BAHCC1: variants seen among roughly 807,000 people sequenced by gnomAD.
BAHCC1 encodes BAH domain and coiled-coil containing 1.
A neutral mutation model predicts 88.2 loss-of-function variants in BAHCC1; 43 were observed. The ratio of observed to expected loss-of-function variants is 0.49; its 90% CI spans 0.38 to 0.63. The LOEUF is 0.63. Ranked by LOEUF, BAHCC1 falls within the 20% of genes least tolerant of loss-of-function variation. BAHCC1 has a pLI of 0.00. For synonymous variants in BAHCC1, 1,510 were observed against 745.5 expected, an observed-to-expected ratio of 2.03 and a Z score of -16.71; for missense variants, 3,023 against 1,654.8, an observed-to-expected ratio of 1.83 and a Z score of -14.34.
rs146730394 is a variant in BAHCC1, at chr17:81,462,065, G to A, written c.7383+19G>A. 137 of 729,110 alleles carry A rather than the reference G, an allele frequency of 1.9e-4. No individual in the cohort carries two copies. The highest frequency in any genetic ancestry group is 1.0e-3 in the East Asian group (42 of 40,446). The allele number at this position is 729,110 out of a possible 1,614,324, so 45.2% of individuals were successfully genotyped here. A position where few individuals can be genotyped will look rare whatever the true frequency, so the allele number is the denominator to read the frequency against. On this transcript the variant is annotated intron_variant, in intron 26 of 27. Transcript: ENST00000675386. The stretch of plus-strand genomic sequence containing the variant: ...CACACAGGTAGGTCCAGCGGGAGGC[G>A]GGAGGAGCTCCTGGTTCCCAAGGAA...
chr17:81,440,680 G>A (rs2064398872), intron 4 of BAHCC1, among the ~76,000 whole-genome samples: 1 of 152,116 alleles, frequency 6.6e-6, no homozygotes, highest in Admixed American at 6.5e-5. Context: ...GAGAGCTTGG[G>A]GCAGACCCTA....
In BAHCC1 at chr17:81,456,549, C is replaced by T. The variant is rs1264001529; in HGVS notation, c.4822C>T (p.Pro1608Ser). Residue 1608 changes from proline to serine, a missense_variant, in exon 16 of 28, where the codon CCA becomes TCA. Transcript: ENST00000675386. ...GHGSRETPRC[P>S]AQPSVAASQE... ...CGGCAGCCGGGAGACACCCAGGTGC[C>T]CAGCCCAGCCCTCCGTGGCTGCGTC... is the stretch of plus-strand genomic sequence containing the variant. The T allele has an allele frequency of 2.8e-6, 2 of 711,772 alleles. No individual in the cohort carries two copies. The highest frequency in any genetic ancestry group is 5.2e-6 in the Non-Finnish European group (2 of 383,128). 44.1% of individuals were successfully genotyped at this position (711,772 alleles called of 1,614,324 possible).
At chr17:81,436,086 C>T (rs1447106154) in intron 3 of BAHCC1, among the ~76,000 whole-genome samples, 1 of 152,028 alleles carries the variant, frequency 6.6e-6, no homozygotes, top group East Asian at 1.9e-4. Flanking sequence ...CCCAGCCCCT[C>T]CCTCTCTGCT....
At chr17:81,403,324 C>A (rs2063839514) in intron 2 of BAHCC1, among the ~76,000 whole-genome samples, 1 of 152,310 alleles carries the variant, frequency 6.6e-6, no homozygotes, top group Admixed American at 6.5e-5. Flanking sequence ...CCCTCCCGCC[C>A]CTTCTCTTGT....
Position 81,458,623 on chromosome 17 carries a change from G to C in BAHCC1, c.5346G>C (p.Arg1782=). Residue 1782 remains arginine (R), a splice_region_variant and synonymous_variant, in exon 19 of 28, where the codon CGG becomes CGC. Coordinates refer to ENST00000675386, the MANE Select transcript of BAHCC1 (RefSeq NM_001377448.1). ...CTTCTCTGCCTGCCCACGCGCAGCG[G>C]AAGAACGGGGCCCTGTCCATCACGC... ...KGTVLQPVLR[R]KNGALSITLA... The C allele has an allele frequency of 1.4e-6, 1 of 716,172 alleles. No individual in the cohort carries two copies. 44.4% of individuals were successfully genotyped at this position (716,172 alleles called of 1,614,324 possible).
At chr17:81,421,677 A>AG (rs1258480569) in intron 2 of BAHCC1, among the ~76,000 whole-genome samples, 5 of 152,188 alleles carry the variant, frequency 3.3e-5, no homozygotes, top group African/African-American at 1.2e-4. Context: ...GCCCCTGCTC[A>AG]CGGGGCAAGG....
At chr17:81,432,104 G>A (rs2064267310) in intron 3 of BAHCC1, among the ~76,000 whole-genome samples, 1 of 152,198 alleles carries the variant, frequency 6.6e-6, no homozygotes, top group Admixed American at 6.5e-5. Flanking sequence ...GAGAACAGCT[G>A]TCCAGACCCC....
Position 81,435,763 on chromosome 17 carries a change from C to G in BAHCC1, c.359-2607C>G, listed in dbSNP as rs1220902781. 1.3e-5 allele frequency among the ~76,000 whole-genome samples: 2 copies of G among 151,804 alleles called. No homozygotes were observed. Among genetic ancestry groups the G allele is most frequent in the African/African-American group, 4.8e-5 (2 of 41,302 alleles). On this transcript the variant is annotated intron_variant, in intron 3 of 27. Coordinates refer to ENST00000675386, the MANE Select transcript of BAHCC1 (RefSeq NM_001377448.1). This position sits in a 1 kb window ranked among gnomAD's most constrained non-coding sequence, Gnocchi z 4.4. ...CCCCACTCCTCAGTGGCAACCCCTT[C>G]CAGGATGCCTGTGTGTCCCCGGCCC...
chr17:81,457,670 C>G, intron 17 of BAHCC1, 78 bp downstream of exon 17: 1 of 621,462 alleles, frequency 1.6e-6, no homozygotes, highest in Non-Finnish European at 2.9e-6. Context: ...GGAGGGAGGG[C>G]AGGGGTTGCT....
In BAHCC1 at chr17:81,407,385, G is replaced by A. The variant is rs1319424742; in HGVS notation, c.178+7468G>A. The A allele has an allele frequency of 5.8e-6, 3 of 519,960 alleles. No individual in the cohort carries two copies. The African/African-American group carries it at 5.8e-5, about 10-fold the overall frequency. The allele number at this position is 519,960 out of a possible 1,614,324, so 32.2% of individuals were successfully genotyped here. A position where few individuals can be genotyped will look rare whatever the true frequency, so the allele number is the denominator to read the frequency against. ...CGTCTTCAAGGGAAGTCGGGTCTCA[G>A]TGCGACTCCCTCTCTCTCCGGTCCT... On this transcript the variant is annotated intron_variant, in intron 2 of 27. Coordinates refer to ENST00000675386, the MANE Select transcript of BAHCC1 (RefSeq NM_001377448.1).
intron 3 of BAHCC1, among the ~76,000 whole-genome samples, chr17:81,431,538 A>G (rs1195657194): frequency 1.3e-5 from 2 of 152,156 alleles, no homozygotes; most frequent in Non-Finnish European, 2.9e-5. Context: ...CCTGAGCCCC[A>G]GGGAGGTTGG....
At chr17:81,407,161 C>A (rs1242741337) in intron 2 of BAHCC1, among the ~76,000 whole-genome samples, 1 of 152,232 alleles carries the variant, frequency 6.6e-6, no homozygotes, top group Admixed American at 6.5e-5. Context: ...CCCCTTGCCC[C>A]AGCTCAGTGC....
chr17:81,442,275 G>A lies in BAHCC1; in HGVS notation c.926G>A (p.Arg309Gln), dbSNP rs373285894. 9 of 624,160 alleles carry A rather than the reference G, an allele frequency of 1.4e-5. No homozygotes were observed. Among genetic ancestry groups the A allele is most frequent in the South Asian group, 9.3e-5 (5 of 53,998 alleles). The allele number at this position is 624,160 out of a possible 1,614,324, so 38.7% of individuals were successfully genotyped here. Residue 309 changes from arginine (R) to glutamine (Q), a missense_variant, in exon 5 of 28, where the codon CGG (arginine) becomes CAG (glutamine). By Grantham distance (43) the Arg-to-Gln change is conservative. Coordinates refer to ENST00000675386, the MANE Select transcript of BAHCC1 (RefSeq NM_001377448.1). ...AGCTGTGCAGGGGGCATGCTGGGGC[G>A]GCCTGGCACGGGGGTGGTGACCTCC... ...LASCAGGMLG[R>Q]PGTGVVTSGR...
chr17:81,427,121 G>T lies in BAHCC1; in HGVS notation c.358+142G>T. The T allele has an allele frequency of 5.0e-6, 2 of 398,118 alleles. 1 individual carries two copies. Among genetic ancestry groups the T allele is most frequent in the East Asian group, 7.1e-5 (2 of 28,060 alleles). The allele number at this position is 398,118 out of a possible 1,614,324, so 24.7% of individuals were successfully genotyped here. ...ACGGTGACAAGCAGGCTCGGGTGAGGCTGCCTCCCTGCCGAGGAAGCCCCG... is the reference window on the plus strand; with the variant it reads ...ACGGTGACAAGCAGGCTCGGGTGAGTCTGCCTCCCTGCCGAGGAAGCCCCG... On this transcript the variant is annotated intron_variant, in intron 3 of 27. Coordinates refer to ENST00000675386, the MANE Select transcript of BAHCC1 (RefSeq NM_001377448.1).
At chr17:81,419,679 G>A (rs1012497814) in intron 2 of BAHCC1, among the ~76,000 whole-genome samples, 1 of 152,170 alleles carries the variant, frequency 6.6e-6, no homozygotes, top group Admixed American at 6.5e-5. Context: ...ACTCGGAGCC[G>A]GGGAGGCCCA....
intron 2 of BAHCC1, among the ~76,000 whole-genome samples, chr17:81,417,961 G>A (rs1233571253): frequency 3.3e-5 from 5 of 152,176 alleles, no homozygotes; most frequent in African/African-American, 1.2e-4. Context: ...TTCGCACCTC[G>A]TTTTTCTCTG....
chr17:81,458,396 G>T lies in BAHCC1; in HGVS notation c.5273G>T (p.Gly1758Val), dbSNP rs782412528. The change falls in exon 18 of 28, where the codon GGC (glycine) becomes GTC (valine). Residue 1758 changes from glycine (G) to valine (V), a missense_variant. Coordinates refer to ENST00000675386, the MANE Select transcript of BAHCC1 (RefSeq NM_001377448.1). ...PSRAFACREE[G>V]SQLASERLKR... ...CGGGCCTTCGCCTGCCGTGAGGAGGGCAGCCAGCTGGCCAGTGAGCGCCTC... is the reference window on the plus strand; with the variant it reads ...CGGGCCTTCGCCTGCCGTGAGGAGGTCAGCCAGCTGGCCAGTGAGCGCCTC... 2 of 742,084 alleles carry T rather than the reference G, an allele frequency of 2.7e-6. No individual in the cohort carries two copies. Among genetic ancestry groups the T allele is most frequent in the East Asian group, 5.1e-5 (2 of 39,542 alleles). The allele number at this position is 742,084 out of a possible 1,614,324, so 46.0% of individuals were successfully genotyped here. A position where few individuals can be genotyped will look rare whatever the true frequency, so the allele number is the denominator to read the frequency against.
At chr17:81,427,407 A>G (rs2064213283) in intron 3 of BAHCC1, among the ~76,000 whole-genome samples, 1 of 152,118 alleles carries the variant, frequency 6.6e-6, no homozygotes, top group South Asian at 2.1e-4. Flanking sequence ...CTGTCAGCGC[A>G]CACAGGCTGC....
chr17:81,426,103 T>C (rs2064193258), intron 2 of BAHCC1, among the ~76,000 whole-genome samples: 3 of 143,458 alleles, frequency 2.1e-5, no homozygotes, highest in African/African-American at 7.8e-5. Context: ...GTGATAGTGG[T>C]GGGTGATGTG....
Sources: gnomAD v4.1 joint callset for allele counts (sites outside exome capture counted in the v4.1 genomes callset) on GRCh38, gnomAD v4.1.1 for gene constraint, Gnocchi (gnomAD v3.1) non-coding constraint, MANE v1.5 for transcripts, NCBI Gene and HGNC (gene_info 2026-07-23, HGNC 2026-07-21) for gene names.